Variants in L3MBTL4 observed in about 807,000 individuals in gnomAD.
The protein encoded by L3MBTL4 is L3MBTL histone methyl-lysine binding protein 4, also known as lethal(3)malignant brain tumor-like protein 4.
Under a neutral mutation model 84.5 loss-of-function variants are expected in L3MBTL4, and 70 were observed. The ratio of observed to expected loss-of-function variants is 0.83; its 90% CI spans 0.68 to 1.01. L3MBTL4 has a LOEUF of 1.01. Among genes scored for constraint, L3MBTL4 ranks in the 50% least tolerant of loss-of-function variants. L3MBTL4 has a pLI of 0.00. For synonymous variants in L3MBTL4, 274 were observed against 259.8 expected, an observed-to-expected ratio of 1.05 and a Z score of -0.52; for missense variants, 715 against 754.8, an observed-to-expected ratio of 0.95 and a Z score of 0.62.
At chr18:6,021,699 G>A (rs761302822) in intron 16 of L3MBTL4, among the ~76,000 whole-genome samples, 17 of 152,142 alleles carry the variant, frequency 1.1e-4, no homozygotes, top group Non-Finnish European at 2.1e-4. Context: ...ATAGACAAAC[G>A]GAGGTAAGTT....
rs71163266 is a variant in L3MBTL4 at position 6,247,466 on chromosome 18, A to ATTTTTT, written c.220-2884_220-2879dup. Among the ~76,000 whole-genome samples the ATTTTTT allele has an allele frequency of 1.8e-3, 87 of 49,642 alleles. 17 individuals are homozygous for ATTTTTT. The highest frequency in any genetic ancestry group is 8.6e-3 in the African/African-American group (83 of 9,676). 32.6% of individuals were successfully genotyped at this position (49,642 alleles called of 152,430 possible). Reference sequence around the variant, plus strand: ...AGAATGCAGACTTCCCCCTCCTCTGATTTTTTTTTTTTTTTTTTTTTTTTT... The same window carrying ATTTTTT: ...AGAATGCAGACTTCCCCCTCCTCTGATTTTTTTTTTTTTTTTTTTTTTTTTTTTTTT... On this transcript the variant is annotated intron_variant, in intron 5 of 18. Transcript: ENST00000317931.
At chr18:6,149,654 C>T (rs1433338655) in intron 13 of L3MBTL4, among the ~76,000 whole-genome samples, 3 of 152,142 alleles carry the variant, frequency 2.0e-5, no homozygotes, top group Non-Finnish European at 2.9e-5. Context: ...AACTAGTTTA[C>T]GGACCCACCA....
intron 16 of L3MBTL4, among the ~76,000 whole-genome samples, chr18:5,984,382 A>G (rs1296337770): frequency 6.6e-6 from 1 of 152,212 alleles, no homozygotes; most frequent in Non-Finnish European, 1.5e-5. Context: ...TCTTAACACT[A>G]TGGTGACAAC....
At chr18:5,973,793 A>G (rs2052767484) in intron 16 of L3MBTL4, among the ~76,000 whole-genome samples, 1 of 152,160 alleles carries the variant, frequency 6.6e-6, no homozygotes, top group Admixed American at 6.5e-5. Context: ...CTGGCATCAC[A>G]GCCCTGTTTC....
At chr18:6,310,824 GTATC>G (rs2050792362) in intron 3 of L3MBTL4, among the ~76,000 whole-genome samples, 1 of 152,188 alleles carries the variant, frequency 6.6e-6, no homozygotes, top group East Asian at 1.9e-4. Context: ...TACCTTCTAA[GTATC>G]TAGATGTTGC....
At chr18:6,175,123 C>G (rs1472751684) in intron 12 of L3MBTL4, among the ~76,000 whole-genome samples, 1 of 151,978 alleles carries the variant, frequency 6.6e-6, no homozygotes, top group Non-Finnish European at 1.5e-5. Context: ...GAAATGAAAA[C>G]TAGGCAAATC....
intron 12 of L3MBTL4, among the ~76,000 whole-genome samples, chr18:6,192,501 G>A (rs183466700): frequency 6.6e-6 from 1 of 152,034 alleles, no homozygotes; most frequent in Non-Finnish European, 1.5e-5. Context: ...CAATATGTGT[G>A]AGTCCTAGAG....
intron 12 of L3MBTL4, among the ~76,000 whole-genome samples, chr18:6,203,044 G>T (rs1231551504): frequency 6.6e-6 from 1 of 152,178 alleles, no homozygotes; most frequent in Non-Finnish European, 1.5e-5. Context: ...GATGCCTGCT[G>T]GGCACTTCAT....
intron 16 of L3MBTL4, among the ~76,000 whole-genome samples, chr18:6,035,181 T>C (rs2056063343): frequency 6.6e-6 from 1 of 150,568 alleles, no homozygotes; most frequent in Non-Finnish European, 1.5e-5. Flanking sequence ...TTTTGGCTTT[T>C]GTTGCCATTG....
chr18:6,220,084 C>A (rs2046486945), intron 10 of L3MBTL4, among the ~76,000 whole-genome samples: 1 of 152,034 alleles, frequency 6.6e-6, no homozygotes, highest in Admixed American at 6.6e-5. Flanking sequence ...AAACTGAGAT[C>A]TAGGGAGATT....
intron 13 of L3MBTL4, among the ~76,000 whole-genome samples, chr18:6,144,448 C>T (rs571958377): frequency 3.5e-4 from 53 of 152,228 alleles, no homozygotes; most frequent in Non-Finnish European, 6.6e-4. Flanking sequence ...TGGCAAGGTT[C>T]TTTAGGAAAG....
intron 16 of L3MBTL4, among the ~76,000 whole-genome samples, chr18:5,984,531 T>C (rs1440846161): frequency 6.6e-6 from 1 of 152,260 alleles, no homozygotes; most frequent in Non-Finnish European, 1.5e-5. Flanking sequence ...ATTATGTTGC[T>C]GTCACAATGC....
chr18:6,141,039 T>TATGGA (rs1399784939), intron 13 of L3MBTL4, among the ~76,000 whole-genome samples: 4 of 150,126 alleles, frequency 2.7e-5, no homozygotes, highest in Non-Finnish European at 5.9e-5. Flanking sequence ...AAGGAAGAAC[T>TATGGA]ATGGAATACT....
At chr18:6,180,866 A>C (rs2044437598) in intron 12 of L3MBTL4, among the ~76,000 whole-genome samples, 1 of 152,210 alleles carries the variant, frequency 6.6e-6, no homozygotes, top group South Asian at 2.1e-4. Context: ...AATGGCCAAA[A>C]AGTGGTAACA....
intron 16 of L3MBTL4, among the ~76,000 whole-genome samples, chr18:6,058,057 AGT>A (rs1704639249): frequency 6.6e-6 from 1 of 152,220 alleles, no homozygotes; most frequent in African/African-American, 2.4e-5. Context: ...CTCATTTTCT[AGT>A]TCTCAGTAAT....
rs145653030 is a variant in L3MBTL4 at position 6,166,039 on chromosome 18, A to T, written c.1096+5789T>A. 4.6e-5 allele frequency among the ~76,000 whole-genome samples: 7 copies of T among 152,124 alleles called. No individual in the cohort carries two copies. In the South Asian group the frequency reaches 8.3e-4, roughly 18 times the overall value. ...AGGCAGGGGTTGCAATCCTAGTCTC[A>T]GATAAAACAGACTTCAAACCAACAA... On this transcript the variant is annotated intron_variant, in intron 13 of 18. Coordinates refer to ENST00000317931, the MANE Select transcript of L3MBTL4 (RefSeq NM_001330559.2).
intron 1 of L3MBTL4, among the ~76,000 whole-genome samples, chr18:6,345,548 T>C (rs888402697): frequency 1.4e-5 from 2 of 143,558 alleles, no homozygotes; most frequent in East Asian, 2.0e-4. Context: ...AACTATCCAA[T>C]AGAATTTAAA....
Position 5,969,494 on chromosome 18 carries a change from G to A in L3MBTL4, c.1513C>T (p.Pro505Ser). 6.2e-7 allele frequency: 1 copy of A among 1,614,010 alleles called. No individual in the cohort carries two copies. The highest frequency in any genetic ancestry group is 2.2e-5 in the East Asian group (1 of 44,858). The change falls in exon 17 of 19, where the codon CCT becomes TCT. Residue 505 changes from proline (P) to serine (S), a missense_variant. Transcript: ENST00000317931. ...CTGCCGAGGGGAAGGTCCCGAAAAG[G>A]GTGGGCTGACACCGTGGACATGGAC... ...SVSMSTVSAH[P>S]FRDLPLGREQ...
intron 16 of L3MBTL4, among the ~76,000 whole-genome samples, chr18:6,045,611 C>T (rs923499629): frequency 7.2e-5 from 11 of 152,112 alleles, no homozygotes; most frequent in African/African-American, 2.4e-4. Flanking sequence ...ATGAGACTCA[C>T]CATCATGAGA....
Sources: gnomAD v4.1 joint callset for allele counts (sites outside exome capture counted in the v4.1 genomes callset) on GRCh38, gnomAD v4.1.1 for gene constraint, MANE v1.5 for transcripts, NCBI Gene and HGNC (gene_info 2026-07-23, HGNC 2026-07-21) for gene names.